Variants in NCAPH observed in about 807,000 individuals in gnomAD.
NCAPH encodes condensin complex subunit 2.
Under a neutral mutation model 85.5 loss-of-function variants are expected in NCAPH, and 38 were observed. The ratio of observed to expected loss-of-function variants is 0.44; its 90% confidence interval spans 0.34 to 0.58. The LOEUF is 0.58. Among genes scored for constraint, NCAPH ranks in the 20% least tolerant of loss-of-function variants. The pLI, the probability that NCAPH is intolerant of heterozygous loss-of-function variation, is 0.01. For missense variants in NCAPH, 789 were observed against 916.6 expected (o/e 0.86, Z 1.80); for synonymous variants, 301 against 335.1 (o/e 0.90, Z 1.11).
rs1558807034 is a variant in NCAPH at position 96,374,400 on chromosome 2, ATTAAC to A, written c.*1052_*1056del. 1.3e-5 allele frequency among the ~76,000 whole-genome samples: 2 copies of A among 152,240 alleles called. No individual in the cohort carries two copies. Reference sequence around the variant, plus strand: ...CCCCTAACCTCAGAGGAATAGGGGAATTAACTTTGCTTGCAATTTGGAACAATATT... The same window carrying A: ...CCCCTAACCTCAGAGGAATAGGGGAATTTGCTTGCAATTTGGAACAATATT... On this transcript the variant is annotated 3_prime_UTR_variant, in exon 18 of 18. Transcript: ENST00000240423.
chr2:96,349,563 G>T (rs1404125764), intron 6 of NCAPH, among the ~76,000 whole-genome samples: 1 of 151,986 alleles, frequency 6.6e-6, no homozygotes, highest in Non-Finnish European at 1.5e-5. Flanking sequence ...TTTATTTTTA[G>T]TAGAGATGGG....
At chr2:96,353,722 C>T (rs1353727593) in intron 8 of NCAPH, among the ~76,000 whole-genome samples, 1 of 152,110 alleles carries the variant, frequency 6.6e-6, no homozygotes, top group Non-Finnish European at 1.5e-5. Context: ...GGCCTCGAAT[C>T]TCTTAGGCTG....
chr2:96,335,974 C>T (rs2064207204), intron 1 of NCAPH, 126 bp downstream of exon 1: 2 of 606,496 alleles, frequency 3.3e-6, no homozygotes, highest in Non-Finnish European at 4.5e-6. Context: ...CTTGGCCCTG[C>T]GGCTGACAGC....
Position 96,359,554 on chromosome 2 carries a change from C to T in NCAPH, c.1357+361C>T, listed in dbSNP as rs894963677. 11 of 269,016 alleles carry T rather than the reference C, an allele frequency of 4.1e-5. No homozygotes were observed. The Admixed American group carries it at 5.3e-4, about 13-fold the overall frequency. 16.7% of individuals were successfully genotyped at this position (269,016 alleles called of 1,614,324 possible). On this transcript the variant is annotated intron_variant, in intron 10 of 17. Transcript: ENST00000240423. ...GCACATGTTGGCATTCTGTAGAACT[C>T]CAAAGGGCTGTGCTGACCTTATGTG...
Position 96,353,417 on chromosome 2 carries a change from G to C in NCAPH, c.1002+20G>C, listed in dbSNP as rs757986161. The C allele has an allele frequency of 6.2e-7, 1 of 1,604,752 alleles. No homozygotes were observed. The highest frequency in any genetic ancestry group is 8.5e-7 in the Non-Finnish European group (1 of 1,171,516). On this transcript the variant is annotated intron_variant, in intron 8 of 17. Coordinates refer to ENST00000240423, the MANE Select transcript of NCAPH (RefSeq NM_015341.5). ...AATGAGGTGTGGTCAAGTTTTAGTG[G>C]CTCATGGTTTCAGTTAGTTGGCTCA... is the stretch of plus-strand genomic sequence containing the variant.
rs755766432 is a variant in NCAPH at position 96,343,255 on chromosome 2, G to A, written c.546G>A (p.Gly182=). 52 of 1,613,626 alleles carry A rather than the reference G, an allele frequency of 3.2e-5. No individual in the cohort carries two copies. Among genetic ancestry groups the A allele is most frequent in the Non-Finnish European group, 2.6e-5 (31 of 1,179,784 alleles). ...VHADVYRVLG[G]LGKDAPSLEE... ...CCGATGTATACAGAGTCCTTGGGGG[G>A]CTGGGCAAAGATGCACCGTCTTTGG... The change falls in exon 5 of 18, where the codon GGG becomes GGA. Residue 182 remains glycine (G), a synonymous_variant. Coordinates refer to ENST00000240423, the MANE Select transcript of NCAPH (RefSeq NM_015341.5).
intron 17 of NCAPH, among the ~76,000 whole-genome samples, chr2:96,372,208 A>G (rs1229466487): frequency 1.3e-5 from 2 of 152,154 alleles, no homozygotes; most frequent in Non-Finnish European, 2.9e-5. Flanking sequence ...GGGTTGGGGA[A>G]GAGCTGGGAG....
intron 12 of NCAPH, among the ~76,000 whole-genome samples, chr2:96,361,823 TA>T (rs1184597526): frequency 4.9e-5 from 6 of 122,846 alleles, no homozygotes; most frequent in African/African-American, 1.5e-4. Context: ...TATATATATA[TA>T]TATATTTTTT....
At chr2:96,342,663 A>G (rs1412204938) in intron 3 of NCAPH, 93 bp from the exon 4 acceptor site, 4 of 1,001,298 alleles carry the variant, frequency 4.0e-6, no homozygotes, top group Admixed American at 2.1e-5. Context: ...GGGTATTCCT[A>G]TGTAAAGACT....
chr2:96,357,952 A>G (rs1223012811), intron 9 of NCAPH, among the ~76,000 whole-genome samples: 2 of 152,148 alleles, frequency 1.3e-5, no homozygotes, highest in Non-Finnish European at 1.5e-5. Flanking sequence ...GGAGCCCTTT[A>G]GGAGAAAGCT....
At chr2:96,350,250 A>G (rs935520695) in intron 6 of NCAPH, among the ~76,000 whole-genome samples, 42 of 152,374 alleles carry the variant, frequency 2.8e-4, no homozygotes, top group African/African-American at 9.6e-4. Flanking sequence ...GCTTGGGGAT[A>G]TAAATCCCTC....
intron 1 of NCAPH, among the ~76,000 whole-genome samples, chr2:96,339,590 CAAAAAA>C (rs950305411): frequency 3.1e-5 from 2 of 65,326 alleles, no homozygotes; most frequent in African/African-American, 1.2e-4. Context: ...GACTCTGTCT[CAAAAAA>C]AAAAAAAAAA....
At chr2:96,366,973 G>A (rs1453774145) in intron 14 of NCAPH, among the ~76,000 whole-genome samples, 1 of 151,858 alleles carries the variant, frequency 6.6e-6, no homozygotes, top group East Asian at 1.9e-4. Context: ...CCAGGTGCCT[G>A]TAATCCCAGC....
chr2:96,353,999 T>C (rs1044651370), intron 8 of NCAPH, among the ~76,000 whole-genome samples, 184 bp from the exon 9 acceptor site: 1 of 151,946 alleles, frequency 6.6e-6, no homozygotes, highest in Admixed American at 6.6e-5. Flanking sequence ...AATATAAACT[T>C]CCCCCTCACT....
chr2:96,349,542 T>G (rs1209731649), intron 6 of NCAPH, among the ~76,000 whole-genome samples: 2 of 152,138 alleles, frequency 1.3e-5, no homozygotes, highest in African/African-American at 2.4e-5. Flanking sequence ...CCACCATGCC[T>G]GGCTAATTTT....
At chr2:96,369,541 C>T in intron 17 of NCAPH, 41 bp downstream of exon 17, 1 of 1,557,088 alleles carries the variant, frequency 6.4e-7, no homozygotes, top group Non-Finnish European at 8.9e-7. Context: ...AGAGTATTCC[C>T]TGTTTATGTC....
chr2:96,342,050 G>A lies in NCAPH; in HGVS notation c.273G>A (p.Arg91=). 6.2e-7 allele frequency: 1 copy of A among 1,610,082 alleles called. No individual in the cohort carries two copies. Among genetic ancestry groups the A allele is most frequent in the South Asian group, 1.1e-5 (1 of 90,990 alleles). Residue 91 remains arginine (R), a splice_region_variant and synonymous_variant, in exon 3 of 18, where the codon AGG becomes AGA. Coordinates refer to ENST00000240423, the MANE Select transcript of NCAPH (RefSeq NM_015341.5). ...SPRLLASPSS[R]SIDISATIPK... Reference sequence around the variant, plus strand: ...TTGTTTGTTTTTGTTTTCCATTTAGGAGTATTGACATTTCAGCTACTATCC... The same window carrying A: ...TTGTTTGTTTTTGTTTTCCATTTAGAAGTATTGACATTTCAGCTACTATCC...
rs747192902 is a variant in NCAPH at position 96,366,024 on chromosome 2, A to G, written c.1847A>G (p.Tyr616Cys). ...GCCCAAGGATTAGACATCACAACAT[A>G]TGGGGAGTCAAACTTGGTAGCTGAG... ...PEAQGLDITT[Y>C]GESNLVAEPQ... is the part of the protein sequence containing the mutation. Residue 616 changes from tyrosine to cysteine, a missense_variant, in exon 14 of 18, where the codon TAT (tyrosine) becomes TGT (cysteine). Physicochemically the swap from Tyr to Cys is radical, Grantham distance 194. Coordinates refer to ENST00000240423, the MANE Select transcript of NCAPH (RefSeq NM_015341.5). 9.9e-6 allele frequency: 16 copies of G among 1,614,214 alleles called. No homozygotes were observed. Among genetic ancestry groups the G allele is most frequent in the Non-Finnish European group, 1.4e-5 (16 of 1,180,034 alleles).
In NCAPH at chr2:96,375,380, G is replaced by A. The variant is rs753615663; in HGVS notation, c.*2029G>A. On this transcript the variant is annotated 3_prime_UTR_variant, in exon 18 of 18. Transcript: ENST00000240423. ...TCACATGTTGGTATTAAGAGATAGG[G>A]CCTTTGGGAGGTGATTAGGTTATGA... 2.0e-5 allele frequency among the ~76,000 whole-genome samples: 3 copies of A among 152,184 alleles called. No homozygotes were observed. The highest frequency in any genetic ancestry group is 2.9e-5 in the Non-Finnish European group (2 of 68,040).
Sources: gnomAD v4.1 joint callset for allele counts (sites outside exome capture counted in the v4.1 genomes callset) on GRCh38, gnomAD v4.1.1 for gene constraint, MANE v1.5 for transcripts, NCBI Gene and HGNC (gene_info 2026-07-23, HGNC 2026-07-21) for gene names.